SKOR2: variants seen among roughly 807,000 people sequenced by gnomAD.
SKOR2 encodes the protein LBX1 corepressor 1-like protein.
SKOR2 carries 47 observed loss-of-function variants against 69.1 expected under a neutral mutation model. The observed-to-expected ratio is 0.68, with a 90% confidence interval of 0.54 to 0.87. The LOEUF (loss-of-function observed/expected upper bound fraction) is 0.87. Among genes scored for constraint, SKOR2 ranks in the 40% least tolerant of loss-of-function variants. The pLI is 0.00. For missense variants in SKOR2, 1,404 were observed against 1,472.2 expected (o/e 0.95, Z 0.76); for synonymous variants, 717 against 672.6 (o/e 1.07, Z -1.02).
At chr18:47,232,199 T>C (rs536074017) in intron 4 of SKOR2, among the ~76,000 whole-genome samples, 4 of 151,812 alleles carry the variant, frequency 2.6e-5, no homozygotes, top group African/African-American at 4.8e-5. Flanking sequence ...AGAGACAAAA[T>C]AAGTTAACTT....
chr18:47,231,173 C>T (rs189768179), intron 4 of SKOR2, 173 bp from the exon 5 acceptor site: 110 of 1,534,954 alleles, frequency 7.2e-5, no homozygotes, highest in Admixed American at 5.3e-4. Context: ...TCCTGAAACA[C>T]GGAGGGGAGG....
chr18:47,228,766 T>C (rs1006337658), intron 6 of SKOR2, among the ~76,000 whole-genome samples: 2 of 152,240 alleles, frequency 1.3e-5, no homozygotes, highest in Non-Finnish European at 2.9e-5. Flanking sequence ...TCAAAGCACC[T>C]GTTTCTTATG....
At chr18:47,234,150 G>A (rs890491051) in intron 4 of SKOR2, among the ~76,000 whole-genome samples, 9 of 152,002 alleles carry the variant, frequency 5.9e-5, no homozygotes, top group African/African-American at 1.7e-4. Context: ...GTTGCCTTTC[G>A]TATATTACTA....
rs2064291273 is a variant in SKOR2 at position 47,248,141 on chromosome 18, C to A, written c.1043G>T (p.Gly348Val). The change falls in exon 2 of 9, where the codon GGT becomes GTT. Residue 348 changes from glycine (G) to valine (V), a missense_variant. By Grantham distance (109) the Gly-to-Val change is moderately radical. Coordinates refer to ENST00000425639, the MANE Select transcript of SKOR2 (RefSeq NM_001278063.4). The surrounding 1 kb of genome is among the most constrained non-coding windows in gnomAD (Gnocchi z 6.4). ...ACAGCCACCCCCAGCGCCGCCCCCACCAGTCCCCGCGCCGCCCGAAGCAGC... is the reference window on the plus strand; with the variant it reads ...ACAGCCACCCCCAGCGCCGCCCCCAACAGTCCCCGCGCCGCCCGAAGCAGC... ...VAAASGGAGT[G>V]GGGAGGGCVA... 2.4e-6 allele frequency: 3 copies of A among 1,272,698 alleles called. No individual in the cohort carries two copies. Among genetic ancestry groups the A allele is most frequent in the East Asian group, 6.4e-5 (2 of 31,036 alleles). The allele number at this position is 1,272,698 out of a possible 1,614,324, so 78.8% of individuals were successfully genotyped here.
intron 6 of SKOR2, among the ~76,000 whole-genome samples, chr18:47,226,655 T>C (rs965084879): frequency 6.6e-6 from 1 of 152,260 alleles, no homozygotes; most frequent in Non-Finnish European, 1.5e-5. Context: ...TTACAAGTTC[T>C]GGTTTCTTAC....
At chr18:47,222,396 T>C (rs1166676482) in intron 6 of SKOR2, among the ~76,000 whole-genome samples, 1 of 152,112 alleles carries the variant, frequency 6.6e-6, no homozygotes, top group African/African-American at 2.4e-5. Context: ...GTCTTTCCTG[T>C]GCAGGGGAAG....
At chr18:47,235,948 T>C (rs925139498) in intron 4 of SKOR2, among the ~76,000 whole-genome samples, 2 of 152,114 alleles carry the variant, frequency 1.3e-5, no homozygotes, top group Non-Finnish European at 2.9e-5. Flanking sequence ...CCCCACAAAG[T>C]CTCTAGGTTC....
intron 4 of SKOR2, among the ~76,000 whole-genome samples, chr18:47,236,735 T>G (rs558031076): frequency 6.6e-6 from 1 of 152,226 alleles, no homozygotes; most frequent in East Asian, 1.9e-4. Flanking sequence ...CATCCAGAAC[T>G]GAGAAAAACA....
In SKOR2 at chr18:47,248,896, C is replaced by G; in HGVS notation, c.288G>C (p.Pro96=). Residue 96 remains proline, a synonymous_variant, in exon 2 of 9, where the codon CCG becomes CCC. Transcript: ENST00000425639. This position sits in a 1 kb window ranked among gnomAD's most constrained non-coding sequence, Gnocchi z 6.4. The part of the protein sequence containing the change: ...ALGITCVQCT[P]VQLEILRRAG... ...CACGCCGCAGGATCTCCAGTTGCAC[C>G]GGCGTGCACTGCACACACGTGATGC... 2 of 1,567,924 alleles carry G rather than the reference C, an allele frequency of 1.3e-6. No individual in the cohort carries two copies. Among genetic ancestry groups the G allele is most frequent in the Non-Finnish European group, 1.7e-6 (2 of 1,164,202 alleles).
In SKOR2 at chr18:47,249,139, C is replaced by G. The variant is rs910714252; in HGVS notation, c.45G>C (p.Ala15=). ...CGGGCTGGAAGGCGCTCGACGGCGACGCCAGCAGGATGTCGTTGGGCCCTG... is the reference window on the plus strand; with the variant it reads ...CGGGCTGGAAGGCGCTCGACGGCGAGGCCAGCAGGATGTCGTTGGGCCCTG... The part of the protein sequence containing the change: ...PLPGPNDILL[A]SPSSAFQPDT... The change falls in exon 2 of 9, where the codon GCG becomes GCC. Residue 15 remains alanine, a synonymous_variant. Coordinates refer to ENST00000425639, the MANE Select transcript of SKOR2 (RefSeq NM_001278063.4). The G allele has an allele frequency of 1.3e-6, 2 of 1,535,614 alleles. No individual in the cohort carries two copies. The highest frequency in any genetic ancestry group is 2.0e-5 in the Admixed American group (1 of 50,962).
At chr18:47,231,615 G>T (rs1214235177) in intron 4 of SKOR2, among the ~76,000 whole-genome samples, 1 of 152,064 alleles carries the variant, frequency 6.6e-6, no homozygotes, top group Non-Finnish European at 1.5e-5. Context: ...ATGCCGAGGC[G>T]GGCAGATCAC....
At chr18:47,215,742 A>G (rs991616809) in intron 7 of SKOR2, among the ~76,000 whole-genome samples, 2 of 152,206 alleles carry the variant, frequency 1.3e-5, no homozygotes, top group Admixed American at 1.3e-4. Flanking sequence ...AGCAGAGGGC[A>G]CTTAAAGACT....
At chr18:47,217,162 G>A (rs536467952) in intron 7 of SKOR2, among the ~76,000 whole-genome samples, 4 of 152,170 alleles carry the variant, frequency 2.6e-5, no homozygotes, top group Non-Finnish European at 5.9e-5. Context: ...AGCCGGATGG[G>A]CATGGTGGCT....
At position 47,248,002 on chromosome 18, in the gene SKOR2, G is replaced by A; in HGVS notation, c.1182C>T (p.Val394=). The A allele has an allele frequency of 7.0e-7, 1 of 1,429,124 alleles. No individual in the cohort carries two copies. The allele number at this position is 1,429,124 out of a possible 1,614,324, so 88.5% of individuals were successfully genotyped here. A position where few individuals can be genotyped will look rare whatever the true frequency, so the allele number is the denominator to read the frequency against. The part of the protein sequence containing the change: ...PVPSKGSFGG[V]LQKFPGCGGL... ...CGCCGCAGCCCGGGAACTTCTGCAG[G>A]ACGCCCCCGAACGAGCCCTTGCTGG... is the stretch of plus-strand genomic sequence containing the variant. The change falls in exon 2 of 9, where the codon GTC becomes GTT. Residue 394 remains valine, a synonymous_variant. Coordinates refer to ENST00000425639, the MANE Select transcript of SKOR2 (RefSeq NM_001278063.4). The surrounding 1 kb of genome is among the most constrained non-coding windows in gnomAD (Gnocchi z 6.4).
At chr18:47,226,588 T>C (rs1286021518) in intron 6 of SKOR2, among the ~76,000 whole-genome samples, 1 of 152,202 alleles carries the variant, frequency 6.6e-6, no homozygotes, top group Non-Finnish European at 1.5e-5. Flanking sequence ...TATTGTTTAG[T>C]ATTAAAACAA....
intron 4 of SKOR2, among the ~76,000 whole-genome samples, chr18:47,241,781 C>T (rs951235622): frequency 6.6e-6 from 1 of 152,112 alleles, no homozygotes. Context: ...CCATTCAATA[C>T]AGGATAATAA....
chr18:47,213,371 TTATTTATATATA>T (rs1278555458), intron 7 of SKOR2, among the ~76,000 whole-genome samples: 1 of 147,902 alleles, frequency 6.8e-6, no homozygotes, highest in Non-Finnish European at 1.5e-5. Context: ...ATATATATAT[TTATTTATATATA>T]TATTTATATA....
intron 7 of SKOR2, among the ~76,000 whole-genome samples, chr18:47,218,837 A>G (rs557004005): frequency 2.5e-4 from 38 of 152,282 alleles, no homozygotes. Context: ...TGCAAACAAA[A>G]CCAACATGAG....
chr18:47,248,302 GGGCGGCGGTGGC>G lies in SKOR2; in HGVS notation c.870_881del (p.Pro291_Pro294del), dbSNP rs1305453959. 6.6e-6 allele frequency: 8 copies of G among 1,207,988 alleles called. No individual in the cohort carries two copies. The East Asian group carries it at 1.7e-4, about 26-fold the overall frequency. The allele number at this position is 1,207,988 out of a possible 1,614,324, so 74.8% of individuals were successfully genotyped here. On this transcript the variant is annotated inframe_deletion, in exon 2 of 9. Transcript: ENST00000425639. The surrounding 1 kb of genome is among the most constrained non-coding windows in gnomAD (Gnocchi z 6.4). The stretch of plus-strand genomic sequence containing the variant: ...GCGGGGCACCAGCCAGCTCTGCCAA[GGGCGGCGGTGGC>G]GGCGGCGGCGGCGGGGGCGCACCCA...
Sources: gnomAD v4.1 joint callset for allele counts (sites outside exome capture counted in the v4.1 genomes callset) on GRCh38, gnomAD v4.1.1 for gene constraint, Gnocchi (gnomAD v3.1) non-coding constraint, MANE v1.5 for transcripts, NCBI Gene and HGNC (gene_info 2026-07-23, HGNC 2026-07-21) for gene names.